The following CFAP96 variants were observed in gnomAD, a reference collection of about 807,000 sequenced individuals.
CFAP96 encodes the protein cilia-and flagella-associated protein 96.
the CFAP96 span, among the ~76,000 whole-genome samples, chr4:185,439,306 A>T: frequency 3.3e-5 from 5 of 152,188 alleles, no homozygotes; most frequent in African/African-American, 1.2e-4. Context: ...GTGATATGGA[A>T]GGGTGGAGAG....
At chr4:185,431,980 A>C in the CFAP96 span, 1 of 1,547,784 alleles carries the variant, frequency 6.5e-7, no homozygotes, top group Non-Finnish European at 8.7e-7. Context: ...TTATCTTTAA[A>C]GGACCCTTTA....
chr4:185,416,077 C>T, the CFAP96 span: 5 of 385,414 alleles, frequency 1.3e-5, no homozygotes, highest in Admixed American at 1.7e-4. Flanking sequence ...TCACTACCCT[C>T]AGACCAGCCA....
the CFAP96 span, among the ~76,000 whole-genome samples, chr4:185,437,867 A>G: frequency 6.6e-6 from 1 of 152,086 alleles, no homozygotes; most frequent in Non-Finnish European, 1.5e-5. Flanking sequence ...AATTTTGAAA[A>G]ATTTATCTTG....
chr4:185,445,365 G>A, the CFAP96 span: 7 of 773,052 alleles, frequency 9.1e-6, no homozygotes, highest in Non-Finnish European at 1.5e-5. Flanking sequence ...AAACCATTCT[G>A]TGCATAATTT....
At chr4:185,417,590 A>C in the CFAP96 span, among the ~76,000 whole-genome samples, 2 of 152,152 alleles carry the variant, frequency 1.3e-5, no homozygotes, top group Non-Finnish European at 2.9e-5. Context: ...CCACCTCTCC[A>C]GCCTTATGTC....
At chr4:185,426,976 A>G in the CFAP96 span, among the ~76,000 whole-genome samples, 4 of 150,190 alleles carry the variant, frequency 2.7e-5, no homozygotes, top group African/African-American at 9.8e-5. Flanking sequence ...AGACAGGAGA[A>G]TCGCTTGAAC....
the CFAP96 span, among the ~76,000 whole-genome samples, chr4:185,427,811 C>T: frequency 6.7e-6 from 1 of 149,626 alleles, no homozygotes; most frequent in South Asian, 2.2e-4. Context: ...ACCAGCCGGG[C>T]GCGGTGGCCC....
the CFAP96 span, chr4:185,418,671 T>C: frequency 5.0e-6 from 8 of 1,613,942 alleles, no homozygotes; most frequent in African/African-American, 8.0e-5. Flanking sequence ...AGGCCATATA[T>C]ACACTGAACT....
At chr4:185,426,057 C>A in the CFAP96 span, 1 of 641,334 alleles carries the variant, frequency 1.6e-6, no homozygotes, top group Non-Finnish European at 2.8e-6. Context: ...CGAGGCGGGG[C>A]GGGTAGCCGA....
chr4:185,432,509 T>A, the CFAP96 span, among the ~76,000 whole-genome samples: 8 of 152,150 alleles, frequency 5.3e-5, no homozygotes, highest in South Asian at 2.1e-4. Context: ...GCGGAAAAAA[T>A]TGCCTTGAAT....
chr4:185,434,119 G>A, the CFAP96 span, among the ~76,000 whole-genome samples: 2 of 151,992 alleles, frequency 1.3e-5, no homozygotes, highest in African/African-American at 4.8e-5. Context: ...CTCGGGAGGC[G>A]GAGGTTGCAG....
the CFAP96 span, among the ~76,000 whole-genome samples, chr4:185,427,142 C>G: frequency 6.6e-6 from 1 of 152,130 alleles, no homozygotes. Flanking sequence ...CTCCCTCCTC[C>G]CTGGCTCGCT....
the CFAP96 span, among the ~76,000 whole-genome samples, chr4:185,442,003 AC>A: frequency 6.6e-6 from 1 of 152,128 alleles, no homozygotes; most frequent in African/African-American, 2.4e-5. Context: ...TAACACCATT[AC>A]TTTGAAATGC....
chr4:185,418,302 T>C, the CFAP96 span: 1 of 620,630 alleles, frequency 1.6e-6, no homozygotes. Flanking sequence ...CATATAACTT[T>C]TGGCAAGTCA....
chr4:185,443,340 ATATT>A, the CFAP96 span, among the ~76,000 whole-genome samples: 299 of 28,446 alleles, frequency 0.011, 3 homozygotes, highest in Non-Finnish European at 0.019. Context: ...ATATATATAT[ATATT>A]TTTTTTTTTT....
chr4:185,449,248 C>T, the CFAP96 span, among the ~76,000 whole-genome samples: 2 of 152,002 alleles, frequency 1.3e-5, no homozygotes, highest in African/African-American at 4.8e-5. Context: ...ATAGGCTGGG[C>T]GTGTTGGCTC....
the CFAP96 span, among the ~76,000 whole-genome samples, chr4:185,439,935 A>C: frequency 7.6e-5 from 11 of 145,108 alleles, no homozygotes; most frequent in South Asian, 2.4e-3. Context: ...ATATATATAC[A>C]TATATGTATC....
the CFAP96 span, among the ~76,000 whole-genome samples, chr4:185,438,425 A>G: frequency 3.9e-5 from 6 of 152,126 alleles, no homozygotes; most frequent in Non-Finnish European, 8.8e-5. Context: ...GCTCTCTAGA[A>G]GTTTGAGTAT....
At chr4:185,428,670 A>G in the CFAP96 span, among the ~76,000 whole-genome samples, 1 of 152,204 alleles carries the variant, frequency 6.6e-6, no homozygotes, top group African/African-American at 2.4e-5. Flanking sequence ...TGAAGTGGTC[A>G]TTTCCAAAGA....
Sources: allele counts gnomAD v4.1 joint callset (sites outside exome capture counted in the v4.1 genomes callset), GRCh38; gene constraint gnomAD v4.1.1; transcripts MANE v1.5; gene names NCBI Gene and HGNC (gene_info 2026-07-23, HGNC 2026-07-21).